The following PARP15 variants were observed in gnomAD, a reference collection of about 807,000 sequenced individuals.
The protein encoded by PARP15 is protein mono-ADP-ribosyltransferase PARP15.
In PARP15, 50 loss-of-function variants were observed where a neutral mutation model predicts 62.1. The observed-to-expected ratio is 0.81, with a 90% CI of 0.64 to 1.02. PARP15 has a LOEUF of 1.02. PARP15 is among the 50% of genes least tolerant of loss of function. PARP15 has a pLI of 0.00. For synonymous variants in PARP15, 309 were observed against 293.1 expected (o/e 1.05, Z -0.55); for missense variants, 820 against 826.5 (o/e 0.99, Z 0.10).
chr3:122,624,592 A>C (rs4677965), intron 8 of PARP15, among the ~76,000 whole-genome samples: 79,009 of 152,064 alleles, frequency 0.52, 22,810 homozygotes, highest in East Asian at 0.68. Flanking sequence ...TAATGTCTTC[A>C]CCTGGTTATA....
intron 1 of PARP15, among the ~76,000 whole-genome samples, chr3:122,585,634 G>GA (rs1933364480): frequency 6.6e-6 from 1 of 152,174 alleles, no homozygotes; most frequent in African/African-American, 2.4e-5. Flanking sequence ...TATGGCAACT[G>GA]AAAAACAACT....
intron 9 of PARP15, among the ~76,000 whole-genome samples, chr3:122,630,351 C>T (rs974102756): frequency 3.3e-5 from 5 of 152,136 alleles, no homozygotes; most frequent in Admixed American, 3.3e-4. Context: ...TCTTTCCCCT[C>T]AAGAAAATAC....
At chr3:122,623,281 C>G (rs1249651382) in intron 8 of PARP15, among the ~76,000 whole-genome samples, 1 of 152,212 alleles carries the variant, frequency 6.6e-6, no homozygotes, top group Non-Finnish European at 1.5e-5. Flanking sequence ...GGCAAGCACT[C>G]TGCTACTTGG....
intron 1 of PARP15, among the ~76,000 whole-genome samples, chr3:122,590,840 C>A (rs1576481707): frequency 6.6e-6 from 1 of 152,284 alleles, no homozygotes; most frequent in East Asian, 1.9e-4. Context: ...ATATGCAACA[C>A]TTTTGTGTCT....
intron 4 of PARP15, 30 bp from the exon 5 acceptor site, chr3:122,615,746 ATTG>A (rs1367149421): frequency 1.2e-6 from 2 of 1,607,980 alleles, no homozygotes; most frequent in Non-Finnish European, 1.7e-6. Context: ...TTTACACAAT[ATTG>A]TTGTAGTCAG....
chr3:122,604,393 G>A (rs1935014874), intron 1 of PARP15, among the ~76,000 whole-genome samples: 1 of 152,200 alleles, frequency 6.6e-6, no homozygotes, highest in Admixed American at 6.5e-5. Context: ...CCCTAAGACA[G>A]GATTCAAGTG....
chr3:122,605,424 G>T (rs1199056865), intron 1 of PARP15, among the ~76,000 whole-genome samples: 1 of 152,134 alleles, frequency 6.6e-6, no homozygotes, highest in Non-Finnish European at 1.5e-5. Context: ...TGGCATTTGG[G>T]ATATTAAATA....
Position 122,615,810 on chromosome 3 carries a change from G to T in PARP15, c.803G>T (p.Arg268Ile). The T allele has an allele frequency of 6.2e-7, 1 of 1,613,706 alleles. No homozygotes were observed. The highest frequency in any genetic ancestry group is 8.5e-7 in the Non-Finnish European group (1 of 1,179,696). ...AFLDEFTNWS[R>I]INPNKARIPM... is the part of the protein sequence containing the mutation. ...TTAGATGAATTCACTAACTGGTCAA[G>T]AATAAATCCCAACAAGGCCAGGATT... is the stretch of plus-strand genomic sequence containing the variant. The change falls in exon 5 of 12, where the codon AGA becomes ATA. Residue 268 changes from arginine to isoleucine, a missense_variant. Arg to Ile is a moderately conservative substitution (Grantham distance 97). Around this residue, in one of 3 missense-constraint regions of PARP15, gnomAD observed 731 missense variants for 727.7 expected, o/e 1.00. Transcript: ENST00000464300.
chr3:122,630,179 C>A (rs1936982995), intron 9 of PARP15, among the ~76,000 whole-genome samples: 1 of 152,214 alleles, frequency 6.6e-6, no homozygotes, highest in South Asian at 2.1e-4. Flanking sequence ...TGCAAGTCAA[C>A]AGTGCTCCTT....
chr3:122,602,182 G>C (rs1168057730), intron 1 of PARP15, among the ~76,000 whole-genome samples: 1 of 152,066 alleles, frequency 6.6e-6, no homozygotes, highest in Admixed American at 6.6e-5. Flanking sequence ...ACTGCTTATT[G>C]ACTGTATTAC....
intron 6 of PARP15, among the ~76,000 whole-genome samples, chr3:122,618,673 G>A (rs1936142495): frequency 6.6e-6 from 1 of 152,176 alleles, no homozygotes; most frequent in Non-Finnish European, 1.5e-5. Flanking sequence ...ATTCTCTAGA[G>A]AAACAGAACC....
At chr3:122,612,967 G>T (rs1559963893) in intron 3 of PARP15, 74 bp from the exon 4 acceptor site, 5 of 1,319,520 alleles carry the variant, frequency 3.8e-6, no homozygotes, top group Non-Finnish European at 5.3e-6. Context: ...TGTCAGAGTT[G>T]CTGGGACCAC....
Position 122,605,929 on chromosome 3 carries a change from T to G in PARP15, c.187-7T>G, listed in dbSNP as rs1935132263. 1.9e-6 allele frequency: 3 copies of G among 1,550,610 alleles called. No individual in the cohort carries two copies. In the African/African-American group the frequency reaches 4.1e-5, roughly 21 times the overall value. ...TTGCTGGTAATGCTTTACTGTTTTC[T>G]CCACAGTCCAGAGACAACAAGTTCA... On this transcript the variant is annotated splice_region_variant and splice_polypyrimidine_tract_variant and intron_variant, in intron 1 of 11. Coordinates refer to ENST00000464300, the MANE Select transcript of PARP15 (RefSeq NM_001113523.3).
intron 3 of PARP15, among the ~76,000 whole-genome samples, chr3:122,611,514 T>C (rs1935562913): frequency 6.6e-6 from 1 of 151,772 alleles, no homozygotes; most frequent in East Asian, 2.0e-4. Flanking sequence ...AATTTTTGTA[T>C]TTTTAGTAGA....
intron 1 of PARP15, among the ~76,000 whole-genome samples, chr3:122,597,701 A>T (rs1934467502): frequency 6.6e-6 from 1 of 152,204 alleles, no homozygotes. Context: ...TAAGGAATAG[A>T]TGCATTTTCT....
At chr3:122,620,896 C>T (rs891151618) in intron 7 of PARP15, among the ~76,000 whole-genome samples, 1 of 152,170 alleles carries the variant, frequency 6.6e-6, no homozygotes, top group East Asian at 1.9e-4. Context: ...TAAAATGGCC[C>T]TCATAATTTC....
chr3:122,588,834 T>A (rs1933653115), intron 1 of PARP15, among the ~76,000 whole-genome samples: 1 of 152,238 alleles, frequency 6.6e-6, no homozygotes, highest in South Asian at 2.1e-4. Flanking sequence ...ATACAATATG[T>A]GGCCTTTTGT....
intron 1 of PARP15, among the ~76,000 whole-genome samples, chr3:122,594,015 A>T (rs1934150167): frequency 1.3e-5 from 2 of 152,232 alleles, no homozygotes; most frequent in Non-Finnish European, 2.9e-5. Context: ...AATATGAGAT[A>T]GGTACTATTA....
At chr3:122,589,137 C>T (rs1004785134) in intron 1 of PARP15, among the ~76,000 whole-genome samples, 7 of 152,132 alleles carry the variant, frequency 4.6e-5, no homozygotes, top group African/African-American at 1.7e-4. Context: ...TGGAGGTTTG[C>T]GATCAGGGTC....
Sources: gnomAD v4.1 joint callset for allele counts (sites outside exome capture counted in the v4.1 genomes callset) on GRCh38, gnomAD v4.1.1 for gene constraint, gnomAD v4.1.1 regional missense constraint, MANE v1.5 for transcripts, NCBI Gene and HGNC (gene_info 2026-07-23, HGNC 2026-07-21) for gene names.